LRPPRC: variants seen among roughly 807,000 people sequenced by gnomAD.
LRPPRC encodes leucine-rich PPR motif-containing protein, mitochondrial.
Under a neutral mutation model 180.3 loss-of-function variants are expected in LRPPRC, and 120 were observed. The observed-to-expected ratio is 0.67, with a 90% CI of 0.57 to 0.77. The LOEUF is 0.77. Among genes scored for constraint, LRPPRC ranks in the 30% least tolerant of loss-of-function variants. The pLI, the probability that LRPPRC is intolerant of heterozygous loss-of-function variation, is 0.00. For missense variants in LRPPRC, 2,012 were observed against 1,657.2 expected (o/e 1.21, Z -3.72); for synonymous variants, 723 against 600.0 (o/e 1.21, Z -3.00).
At chr2:43,959,758 C>T (rs1332263574) in intron 13 of LRPPRC, among the ~76,000 whole-genome samples, 1 of 152,082 alleles carries the variant, frequency 6.6e-6, no homozygotes, top group Non-Finnish European at 1.5e-5. Context: ...GTGGCATGTG[C>T]CTATAATCCC....
At chr2:43,890,964 ACT>A (rs978900831) in intron 36 of LRPPRC, among the ~76,000 whole-genome samples, 2 of 152,008 alleles carry the variant, frequency 1.3e-5, no homozygotes, top group African/African-American at 2.4e-5. Flanking sequence ...CCCTACACTG[ACT>A]CTGATATTGT....
At chr2:43,973,348 A>C (rs559477282) in intron 11 of LRPPRC, among the ~76,000 whole-genome samples, 2 of 152,308 alleles carry the variant, frequency 1.3e-5, no homozygotes, top group South Asian at 2.1e-4. Context: ...ACTTAAAAAA[A>C]CTACGTTCAT....
intron 23 of LRPPRC, among the ~76,000 whole-genome samples, chr2:43,939,068 C>T (rs946281150): frequency 4.0e-5 from 6 of 149,500 alleles, no homozygotes; most frequent in Non-Finnish European, 8.9e-5. Flanking sequence ...GTCAGGAGAT[C>T]GAGACCATCC....
chr2:43,915,222 TCTCTCTCTCTCA>T (rs1167216461), intron 29 of LRPPRC, among the ~76,000 whole-genome samples: 2,542 of 105,392 alleles, frequency 0.024, 18 homozygotes, highest in Middle Eastern at 0.038. Context: ...TCTCTCTCTC[TCTCTCTCTCTCA>T]CACACACACA....
chr2:43,941,536 A>G (rs538294244), intron 23 of LRPPRC, among the ~76,000 whole-genome samples: 1 of 152,292 alleles, frequency 6.6e-6, no homozygotes, highest in South Asian at 2.1e-4. Flanking sequence ...CAAATCGAAT[A>G]CACGTGGACT....
intron 35 of LRPPRC, among the ~76,000 whole-genome samples, chr2:43,896,071 T>C (rs541327165): frequency 3.3e-5 from 5 of 152,214 alleles, no homozygotes; most frequent in African/African-American, 9.6e-5. Context: ...CCTGATGGTT[T>C]ATACCTGATA....
Position 43,982,307 on chromosome 2 carries a change from A to G in LRPPRC, c.277T>C (p.Ser93Pro), listed in dbSNP as rs370360569. 1.9e-6 allele frequency: 3 copies of G among 1,595,156 alleles called. No individual in the cohort carries two copies. The highest frequency in any genetic ancestry group is 3.4e-4 in the Middle Eastern group (2 of 5,960). ...FDWALMRLDLSVRRTGRIPKK... is the reference protein window; with the variant it reads ...FDWALMRLDLPVRRTGRIPKK... ...GGAATGCGGCCAGTTCTTCGAACAG[A>G]AAGATCTAGTCTCATTAGAGCCCAA... The change falls in exon 2 of 38, where the codon TCT becomes CCT. Residue 93 changes from serine to proline, a missense_variant. Physicochemically the swap from Ser to Pro is moderately conservative, Grantham distance 74. Coordinates refer to ENST00000260665, the MANE Select transcript of LRPPRC (RefSeq NM_133259.4).
intron 19 of LRPPRC, 132 bp from the exon 20 acceptor site, chr2:43,947,502 T>C (rs550277496): frequency 2.3e-5 from 15 of 664,634 alleles, no homozygotes; most frequent in South Asian, 1.4e-4. Context: ...GGGATATTAA[T>C]TGGGGAATCC....
intron 14 of LRPPRC, among the ~76,000 whole-genome samples, chr2:43,953,159 C>T (rs1258644667): frequency 2.0e-5 from 3 of 152,194 alleles, no homozygotes; most frequent in South Asian, 4.1e-4. Flanking sequence ...GCAGCCCCTG[C>T]CCTGATTCAT....
At chr2:43,906,393 C>T (rs915743240) in intron 30 of LRPPRC, among the ~76,000 whole-genome samples, 16 of 152,132 alleles carry the variant, frequency 1.1e-4, no homozygotes, top group African/African-American at 3.9e-4. Flanking sequence ...TGAAACAAAA[C>T]ACCAACTTTT....
At position 43,948,142 on chromosome 2, in the gene LRPPRC, G is replaced by A; in HGVS notation, c.1900C>T (p.His634Tyr). The A allele has an allele frequency of 1.2e-6, 2 of 1,602,004 alleles. No homozygotes were observed. The highest frequency in any genetic ancestry group is 1.7e-6 in the Non-Finnish European group (2 of 1,169,264). ...CACACCTTAATCAATTCAGGAACAT[G>A]GTAGCTTTCCAGGAGATTACGAATG... ...RGIRNLLESY[H>Y]VPELIKDAHL... Residue 634 changes from histidine (H) to tyrosine (Y), a missense_variant, in exon 18 of 38, where the codon CAT becomes TAT. Physicochemically the swap from His to Tyr is moderately conservative, Grantham distance 83. Coordinates refer to ENST00000260665, the MANE Select transcript of LRPPRC (RefSeq NM_133259.4).
intron 23 of LRPPRC, among the ~76,000 whole-genome samples, chr2:43,940,435 G>C (rs1353614516): frequency 6.6e-6 from 1 of 152,182 alleles, no homozygotes; most frequent in African/African-American, 2.4e-5. Context: ...GTTCATCTTA[G>C]AGAAATTGTG....
At chr2:43,930,339 G>A (rs537410096) in intron 25 of LRPPRC, among the ~76,000 whole-genome samples, 1 of 152,312 alleles carries the variant, frequency 6.6e-6, no homozygotes, top group South Asian at 2.1e-4. Context: ...GGATGGTACA[G>A]AGGAACCAAT....
chr2:43,912,957 A>G (rs1472093873), intron 29 of LRPPRC, among the ~76,000 whole-genome samples: 1 of 152,202 alleles, frequency 6.6e-6, no homozygotes, highest in Non-Finnish European at 1.5e-5. Flanking sequence ...TATAATTTAG[A>G]TTGAGGGGAG....
At position 43,912,552 on chromosome 2, in the gene LRPPRC, T is replaced by C. The variant is rs758970726; in HGVS notation, c.3155A>G (p.Tyr1052Cys). 5 of 1,609,088 alleles carry C rather than the reference T, an allele frequency of 3.1e-6. No individual in the cohort carries two copies. Among genetic ancestry groups the C allele is most frequent in the East Asian group, 4.5e-5 (2 of 44,690 alleles). ...CTCTTTTGCATTCAGGAAAATATCA[T>C]ATGCCCCTATGAGAGAAAACAGACA... ...ACRLNQKKGAYDIFLNAKEQN... is the reference protein window; with the variant it reads ...ACRLNQKKGACDIFLNAKEQN... The change falls in exon 30 of 38, where the codon TAT (tyrosine) becomes TGT (cysteine). Residue 1052 changes from tyrosine to cysteine, a missense_variant. Coordinates refer to ENST00000260665, the MANE Select transcript of LRPPRC (RefSeq NM_133259.4).
At chr2:43,897,984 C>CT (rs1210046576) in intron 34 of LRPPRC, among the ~76,000 whole-genome samples, 51 of 138,028 alleles carry the variant, frequency 3.7e-4, no homozygotes, top group African/African-American at 1.1e-3. Context: ...TATCTTCCTT[C>CT]TTTTTTTTTT....
At position 43,888,266 on chromosome 2, in the gene LRPPRC, G is replaced by A; in HGVS notation, c.*334C>T. ...TTTCAGAGAAACAGCAGACTAATAA[G>A]TGAATCTTAAATAAAGGAATAACAT... On this transcript the variant is annotated 3_prime_UTR_variant, in exon 38 of 38. Transcript: ENST00000260665. The A allele has an allele frequency of 3.6e-6, 1 of 276,900 alleles. No individual in the cohort carries two copies. The highest frequency in any genetic ancestry group is 6.9e-6 in the Non-Finnish European group (1 of 144,120). 17.2% of individuals were successfully genotyped at this position (276,900 alleles called of 1,614,324 possible). A position where few individuals can be genotyped will look rare whatever the true frequency, so the allele number is the denominator to read the frequency against.
At chr2:43,920,284 C>T (rs769229286) in intron 27 of LRPPRC, among the ~76,000 whole-genome samples, 6 of 152,014 alleles carry the variant, frequency 3.9e-5, no homozygotes, top group East Asian at 1.9e-4. Context: ...TACAGGTGCG[C>T]GCCAGCACAC....
chr2:43,952,030 C>G (rs1370476691), intron 14 of LRPPRC, among the ~76,000 whole-genome samples: 1 of 152,032 alleles, frequency 6.6e-6, no homozygotes, highest in South Asian at 2.1e-4. Context: ...CCCATCTCTA[C>G]TAAAAATACA....
Sources: gnomAD v4.1 joint callset for allele counts (sites outside exome capture counted in the v4.1 genomes callset) on GRCh38, gnomAD v4.1.1 for gene constraint, MANE v1.5 for transcripts, NCBI Gene and HGNC (gene_info 2026-07-23, HGNC 2026-07-21) for gene names.